The following SEMA3A variants were observed in gnomAD, a reference collection of about 807,000 sequenced individuals.
SEMA3A encodes semaphorin-3A.
Under a neutral mutation model 97.9 loss-of-function variants are expected in SEMA3A, and 29 were observed. That is an observed-to-expected ratio of 0.30 (90% CI 0.22 to 0.40). The LOEUF is 0.40. Among genes scored for constraint, SEMA3A ranks in the 10% least tolerant of loss-of-function variants. The pLI is 1.00. For missense variants in SEMA3A, 763 were observed against 951.3 expected, an observed-to-expected ratio of 0.80 and a Z score of 2.60; for synonymous variants, 321 against 323.7, an observed-to-expected ratio of 0.99 and a Z score of 0.09.
intron 1 of SEMA3A, among the ~76,000 whole-genome samples, chr7:84,422,301 G>A (rs1249505548): frequency 6.6e-6 from 1 of 151,822 alleles, no homozygotes. Context: ...TAGTTTATTT[G>A]CCTAGAGGTG....
chr7:84,055,053 C>G (rs1008892177), intron 5 of SEMA3A, among the ~76,000 whole-genome samples: 2 of 152,022 alleles, frequency 1.3e-5, no homozygotes, highest in African/African-American at 4.8e-5. Context: ...AGGAGGCAGT[C>G]TGCCCGTTCT....
chr7:84,050,320 C>T (rs1792564140), intron 5 of SEMA3A, among the ~76,000 whole-genome samples: 1 of 152,158 alleles, frequency 6.6e-6, no homozygotes, highest in Non-Finnish European at 1.5e-5. Context: ...TTTACAGTCC[C>T]ACCAACGGTG....
intron 3 of SEMA3A, among the ~76,000 whole-genome samples, chr7:84,247,758 G>T (rs1458055938): frequency 6.6e-6 from 1 of 152,148 alleles, no homozygotes; most frequent in African/African-American, 2.4e-5. Flanking sequence ...TCACCACCTG[G>T]TAACTGTTGG....
intron 4 of SEMA3A, among the ~76,000 whole-genome samples, chr7:84,067,231 G>C (rs930789167): frequency 6.6e-6 from 1 of 152,012 alleles, no homozygotes; most frequent in African/African-American, 2.4e-5. Flanking sequence ...GTAGAAAGCT[G>C]AAACTGGATC....
At chr7:84,035,002 A>G (rs1459490258) in intron 6 of SEMA3A, among the ~76,000 whole-genome samples, 2 of 152,202 alleles carry the variant, frequency 1.3e-5, no homozygotes, top group Non-Finnish European at 2.9e-5. Context: ...TGGAACTACT[A>G]TTTTCTACCT....
At chr7:84,054,977 T>A (rs1792886401) in intron 5 of SEMA3A, among the ~76,000 whole-genome samples, 1 of 152,120 alleles carries the variant, frequency 6.6e-6, no homozygotes, top group East Asian at 1.9e-4. Flanking sequence ...GAGGTGTCAG[T>A]CTGCCCCTGC....
At chr7:84,013,664 T>C (rs934150031) in intron 7 of SEMA3A, among the ~76,000 whole-genome samples, 1 of 152,220 alleles carries the variant, frequency 6.6e-6, no homozygotes, top group Admixed American at 6.5e-5. Context: ...CTGGCCAACA[T>C]GATGAAACCC....
intron 12 of SEMA3A, among the ~76,000 whole-genome samples, chr7:83,990,729 G>A (rs1434151262): frequency 1.8e-5 from 2 of 113,614 alleles, no homozygotes; most frequent in East Asian, 6.4e-4. Flanking sequence ...TAGCCTTGTA[G>A]TATAGTTTGA....
chr7:84,473,173 T>TGTGTGTGTGTGTGAGA (rs891778095), intron 1 of SEMA3A, among the ~76,000 whole-genome samples: 3 of 151,406 alleles, frequency 2.0e-5, no homozygotes, highest in African/African-American at 7.3e-5. Context: ...TGTGTGTGTG[T>TGTGTGTGTGTGTGAGA]GAAACCTACA....
chr7:84,149,359 T>C (rs1796558977), intron 1 of SEMA3A, among the ~76,000 whole-genome samples: 1 of 152,220 alleles, frequency 6.6e-6, no homozygotes, highest in Non-Finnish European at 1.5e-5. Flanking sequence ...TGTTCTAAGA[T>C]TGAAGTTAAA....
chr7:84,062,400 T>C (rs1048235949), intron 4 of SEMA3A, among the ~76,000 whole-genome samples: 4 of 151,888 alleles, frequency 2.6e-5, no homozygotes, highest in Non-Finnish European at 5.9e-5. Context: ...TGATGAAAAA[T>C]TAGGAAATAG....
intron 3 of SEMA3A, among the ~76,000 whole-genome samples, chr7:84,122,069 T>C (rs991549663): frequency 1.1e-4 from 16 of 151,862 alleles, no homozygotes; most frequent in African/African-American, 3.4e-4. Flanking sequence ...ATGGTATTTC[T>C]AGTTCTAGAT....
At chr7:84,315,053 C>T (rs960492485) in intron 2 of SEMA3A, among the ~76,000 whole-genome samples, 1 of 152,112 alleles carries the variant, frequency 6.6e-6, no homozygotes, top group Non-Finnish European at 1.5e-5. Flanking sequence ...TTTCTACTCA[C>T]TGTTCTAGCT....
intron 15 of SEMA3A, among the ~76,000 whole-genome samples, chr7:83,972,093 A>G (rs1788944636): frequency 6.6e-6 from 1 of 152,032 alleles, no homozygotes; most frequent in Admixed American, 6.6e-5. Flanking sequence ...ACATAGATAT[A>G]GGTATGAATA....
chr7:84,272,472 A>AATTTGTTT (rs1302468117), intron 3 of SEMA3A, among the ~76,000 whole-genome samples: 2 of 152,052 alleles, frequency 1.3e-5, no homozygotes, highest in Admixed American at 6.6e-5. Context: ...AATAGAAAAA[A>AATTTGTTT]ATTTGTTTTT....
chr7:83,996,160 A>G (rs1292834648), intron 12 of SEMA3A, among the ~76,000 whole-genome samples: 1 of 152,210 alleles, frequency 6.6e-6, no homozygotes, highest in Non-Finnish European at 1.5e-5. Flanking sequence ...ACTAGTTAAA[A>G]TAAAAATCAG....
chr7:84,163,617 T>C (rs1450999275), intron 1 of SEMA3A, among the ~76,000 whole-genome samples: 1 of 152,192 alleles, frequency 6.6e-6, no homozygotes, highest in East Asian at 1.9e-4. Flanking sequence ...TATTGTTTTA[T>C]ATGTATTTTT....
At chr7:84,172,795 T>A (rs1395002439) in intron 1 of SEMA3A, among the ~76,000 whole-genome samples, 9 of 152,250 alleles carry the variant, frequency 5.9e-5, no homozygotes, top group Admixed American at 2.6e-4. Context: ...GGCAGCAGGC[T>A]GGATTTAGCC....
At chr7:84,120,903 G>A (rs1795591229) in intron 3 of SEMA3A, among the ~76,000 whole-genome samples, 1 of 152,136 alleles carries the variant, frequency 6.6e-6, no homozygotes, top group African/African-American at 2.4e-5. Context: ...TAGAGTATTA[G>A]AATTTCTTGT....
Sources: gnomAD v4.1 joint callset for allele counts (sites outside exome capture counted in the v4.1 genomes callset) on GRCh38, gnomAD v4.1.1 for gene constraint, MANE v1.5 for transcripts, NCBI Gene and HGNC (gene_info 2026-07-23, HGNC 2026-07-21) for gene names.